Variants in NYAP2 observed in about 807,000 individuals in gnomAD.
The protein encoded by NYAP2 is neuronal tyrosine-phosphorylated phosphoinositide-3-kinase adapter 2.
NYAP2 carries 23 observed loss-of-function variants against 50.4 expected under a neutral mutation model. The ratio of observed to expected loss-of-function variants is 0.46; its 90% confidence interval spans 0.33 to 0.65. The LOEUF (loss-of-function observed/expected upper bound fraction) is 0.65. Among genes scored for constraint, NYAP2 ranks in the 30% least tolerant of loss-of-function variants. The probability of loss-of-function intolerance (pLI) is 0.02; values close to 1 mark genes in which losing one functional copy is unlikely to be tolerated. For missense variants in NYAP2, 885 were observed against 861.0 expected, an observed-to-expected ratio of 1.03 and a Z score of -0.35; for synonymous variants, 394 against 365.2, an observed-to-expected ratio of 1.08 and a Z score of -0.90.
At chr2:225,453,044 G>A (rs6729386) in intron 3 of NYAP2, among the ~76,000 whole-genome samples, 128,284 of 152,204 alleles carry the variant, frequency 0.84, 54,699 homozygotes, top group African/African-American at 0.96. Flanking sequence ...ACTGAGCTCT[G>A]TGGTTATGTC....
the NYAP2 span, among the ~76,000 whole-genome samples, chr2:225,665,549 C>A: frequency 2.7e-3 from 399 of 149,566 alleles, 5 homozygotes; most frequent in African/African-American, 9.5e-3. Flanking sequence ...CAGGAGAGGG[C>A]AGCACACCAC....
chr2:225,531,860 C>T (rs1691259005), intron 4 of NYAP2, among the ~76,000 whole-genome samples: 1 of 152,164 alleles, frequency 6.6e-6, no homozygotes, highest in African/African-American at 2.4e-5. Flanking sequence ...TGCCTTTCTT[C>T]AGTTGTTTTG....
intron 3 of NYAP2, among the ~76,000 whole-genome samples, chr2:225,438,198 A>G (rs1015543371): frequency 2.0e-5 from 3 of 152,188 alleles, no homozygotes; most frequent in African/African-American, 7.2e-5. Context: ...AGATGTGTTG[A>G]AACTCCCACT....
chr2:225,510,569 A>G (rs1289472846), intron 3 of NYAP2, among the ~76,000 whole-genome samples: 2 of 152,204 alleles, frequency 1.3e-5, no homozygotes, highest in Non-Finnish European at 2.9e-5. Context: ...TTTTGGGCTA[A>G]TAACCTTTCT....
Position 225,566,258 on chromosome 2 carries a change from C to A in NYAP2, c.524-15683C>A, listed in dbSNP as rs575690148. Among the ~76,000 whole-genome samples the A allele has an allele frequency of 2.0e-5, 3 of 152,272 alleles. No homozygotes were observed. In the East Asian group the frequency reaches 5.8e-4, roughly 29 times the overall value. On this transcript the variant is annotated intron_variant, in intron 4 of 6. Coordinates refer to ENST00000636099, the Ensembl canonical transcript of NYAP2. ...TTCCACTAAAGGAAATGTTAGCACA[C>A]AACTTCAATGAAGTTGGATGAAATG...
intron 6 of NYAP2, among the ~76,000 whole-genome samples, chr2:225,646,936 T>C (rs4674999): frequency 0.75 from 113,833 of 151,908 alleles, 42,876 homozygotes; most frequent in Middle Eastern, 0.89. Flanking sequence ...TTTGGTGAGG[T>C]GTAGTCTGTG....
intron 5 of NYAP2, among the ~76,000 whole-genome samples, chr2:225,623,117 A>G (rs11690559): frequency 0.54 from 81,406 of 152,160 alleles, 22,192 homozygotes; most frequent in South Asian, 0.68. Flanking sequence ...AAAACCTGAA[A>G]TCTTTCTGAG....
intron 5 of NYAP2, among the ~76,000 whole-genome samples, chr2:225,622,889 C>G (rs1480865747): frequency 6.6e-6 from 1 of 152,074 alleles, no homozygotes; most frequent in African/African-American, 2.4e-5. Flanking sequence ...CCAGCCACAA[C>G]CAGTTTTATT....
chr2:225,444,382 G>A (rs1215262992), intron 3 of NYAP2, among the ~76,000 whole-genome samples: 2 of 152,146 alleles, frequency 1.3e-5, no homozygotes, highest in African/African-American at 4.8e-5. Flanking sequence ...ACTGCTTCCA[G>A]TGGGAATTTA....
intron 4 of NYAP2, among the ~76,000 whole-genome samples, chr2:225,558,321 C>G (rs2106214051): frequency 6.6e-6 from 1 of 152,238 alleles, no homozygotes; most frequent in South Asian, 2.1e-4. Context: ...GAGCTAAAAT[C>G]AAGGTGTCAG....
At chr2:225,411,630 C>T (rs922528483) in intron 3 of NYAP2, among the ~76,000 whole-genome samples, 4 of 151,214 alleles carry the variant, frequency 2.6e-5, no homozygotes, top group South Asian at 2.1e-4. Context: ...CCCAGGGTTG[C>T]CCCCTGGAGG....
intron 3 of NYAP2, among the ~76,000 whole-genome samples, chr2:225,486,335 T>G (rs1690298280): frequency 6.6e-6 from 1 of 152,124 alleles, no homozygotes; most frequent in Non-Finnish European, 1.5e-5. Context: ...AAAGAATAGC[T>G]AAGGGTAGGA....
intron 5 of NYAP2, among the ~76,000 whole-genome samples, chr2:225,587,312 A>G (rs1376249633): frequency 6.6e-6 from 1 of 152,230 alleles, no homozygotes; most frequent in African/African-American, 2.4e-5. Flanking sequence ...TCTGAGGGAA[A>G]GAGTGAGATA....
At chr2:225,435,545 C>T (rs1689362061) in intron 3 of NYAP2, among the ~76,000 whole-genome samples, 2 of 152,206 alleles carry the variant, frequency 1.3e-5, no homozygotes, top group East Asian at 1.9e-4. Context: ...CCTGTATCTA[C>T]AGTCTGCTTC....
intron 5 of NYAP2, among the ~76,000 whole-genome samples, chr2:225,602,537 T>G (rs1294529310): frequency 6.6e-6 from 1 of 152,168 alleles, no homozygotes; most frequent in African/African-American, 2.4e-5. Flanking sequence ...TTCTTTCTCC[T>G]CTCTCATAAT....
chr2:225,580,633 G>A (rs954180460), intron 4 of NYAP2, among the ~76,000 whole-genome samples: 1 of 152,186 alleles, frequency 6.6e-6, no homozygotes, highest in African/African-American at 2.4e-5. Context: ...CATAGTCACT[G>A]CTAGAATATT....
chr2:225,431,297 C>T (rs1307098025), intron 3 of NYAP2, among the ~76,000 whole-genome samples: 1 of 152,220 alleles, frequency 6.6e-6, no homozygotes, highest in Non-Finnish European at 1.5e-5. Flanking sequence ...AATCATACCT[C>T]ATCAACAAAC....
chr2:225,661,915 G>T, the NYAP2 span, among the ~76,000 whole-genome samples: 1 of 151,834 alleles, frequency 6.6e-6, no homozygotes, highest in African/African-American at 2.4e-5. Flanking sequence ...ATACACACAG[G>T]GTTTCACCAT....
downstream of NYAP2, among the ~76,000 whole-genome samples, chr2:225,654,455 G>T (rs1407962343): frequency 2.0e-5 from 3 of 152,140 alleles, no homozygotes; most frequent in Non-Finnish European, 4.4e-5. Flanking sequence ...GGCCGAGGCA[G>T]GTGGATCACC....
Sources: gnomAD v4.1 joint callset for allele counts (sites outside exome capture counted in the v4.1 genomes callset) on GRCh38, gnomAD v4.1.1 for gene constraint, MANE v1.5 for transcripts, NCBI Gene and HGNC (gene_info 2026-07-23, HGNC 2026-07-21) for gene names.